The following SPATA31G1 variants were observed in gnomAD, a reference collection of about 807,000 sequenced individuals.
SPATA31G1 encodes the protein spermatogenesis-associated protein 31G1.
At chr9:35,042,845 T>C in the SPATA31G1 span, 5 of 1,605,928 alleles carry the variant, frequency 3.1e-6, no homozygotes, top group Non-Finnish European at 8.5e-7. Flanking sequence ...TGAGAATATC[T>C]TTATCTACTT....
the SPATA31G1 span, chr9:35,045,310 T>C: frequency 1.9e-6 from 3 of 1,613,880 alleles, no homozygotes; most frequent in Non-Finnish European, 2.5e-6. Context: ...AAGGGGAAGA[T>C]GGTGAGCCAG....
chr9:35,043,469 T>A, the SPATA31G1 span: 1 of 1,614,182 alleles, frequency 6.2e-7, no homozygotes, highest in Non-Finnish European at 8.5e-7. Context: ...CTTCTCCTTC[T>A]GTCTCATCAC....
the SPATA31G1 span, chr9:35,044,838 G>A: frequency 1.2e-6 from 2 of 1,614,076 alleles, no homozygotes; most frequent in South Asian, 1.1e-5. Context: ...CACCCTAGCT[G>A]AAGCTGTGAA....
At chr9:35,043,176 G>A in the SPATA31G1 span, 1 of 1,614,186 alleles carries the variant, frequency 6.2e-7, no homozygotes. Flanking sequence ...GCACAAGATA[G>A]CATCAGGGAA....
chr9:35,043,291 AGTG>A, the SPATA31G1 span: 1 of 1,614,112 alleles, frequency 6.2e-7, no homozygotes, highest in South Asian at 1.1e-5. Flanking sequence ...TCTCCTCTGA[AGTG>A]GTCTGTTTGT....
the SPATA31G1 span, chr9:35,042,418 G>A: frequency 1.1e-3 from 1,713 of 1,614,254 alleles, 29 homozygotes; most frequent in African/African-American, 0.02. Flanking sequence ...CAGATTCAGA[G>A]ATGGTGGCAG....
chr9:35,044,832 C>A, the SPATA31G1 span: 1 of 1,614,132 alleles, frequency 6.2e-7, no homozygotes, highest in Non-Finnish European at 8.5e-7. Flanking sequence ...GCCTCCCACC[C>A]TAGCTGAAGC....
the SPATA31G1 span, chr9:35,042,212 T>C: frequency 1.2e-5 from 19 of 1,597,840 alleles, no homozygotes; most frequent in Non-Finnish European, 1.6e-5. Context: ...TGTTCTGTGA[T>C]GCAATGATGA....
At chr9:35,043,287 C>A in the SPATA31G1 span, 1 of 1,614,200 alleles carries the variant, frequency 6.2e-7, no homozygotes, top group African/African-American at 1.3e-5. Flanking sequence ...CCCCTCTCCT[C>A]TGAAGTGGTC....
the SPATA31G1 span, chr9:35,045,309 A>G: frequency 1.9e-6 from 3 of 1,614,070 alleles, no homozygotes; most frequent in Non-Finnish European, 2.5e-6. Flanking sequence ...GAAGGGGAAG[A>G]TGGTGAGCCA....
At chr9:35,044,203 T>C in the SPATA31G1 span, 1 of 1,614,148 alleles carries the variant, frequency 6.2e-7, no homozygotes, top group Non-Finnish European at 8.5e-7. Flanking sequence ...ACCACCCTTA[T>C]GGAACCACAC....
chr9:35,044,599 T>A, the SPATA31G1 span: 1 of 1,614,200 alleles, frequency 6.2e-7, no homozygotes, highest in Non-Finnish European at 8.5e-7. Flanking sequence ...AAGTCCCACG[T>A]AAGTGAGCCT....
chr9:35,044,411 A>C, the SPATA31G1 span: 4 of 1,614,084 alleles, frequency 2.5e-6, no homozygotes, highest in Non-Finnish European at 3.4e-6. Context: ...TACAAAAGAC[A>C]AAAAACTCCT....
chr9:35,042,493 A>C, the SPATA31G1 span: 1 of 1,614,140 alleles, frequency 6.2e-7, no homozygotes. Flanking sequence ...AAGGTGGGTG[A>C]CCTGTGACTG....
chr9:35,045,612 A>G, the SPATA31G1 span: 1 of 1,614,190 alleles, frequency 6.2e-7, no homozygotes, highest in Non-Finnish European at 8.5e-7. Flanking sequence ...GTCTCAACAC[A>G]GGGGCCAGAG....
the SPATA31G1 span, chr9:35,042,514 T>A: frequency 1.9e-6 from 3 of 1,613,668 alleles, no homozygotes; most frequent in African/African-American, 4.0e-5. Flanking sequence ...TACAGCTGGA[T>A]GAATGACTGC....
At chr9:35,045,481 C>A in the SPATA31G1 span, 1 of 1,614,020 alleles carries the variant, frequency 6.2e-7, no homozygotes, top group Non-Finnish European at 8.5e-7. Flanking sequence ...CCTAGGAAAC[C>A]CAAAGCAGGA....
chr9:35,041,532 G>A, the SPATA31G1 span: 987 of 155,796 alleles, frequency 6.3e-3, 11 homozygotes, highest in African/African-American at 0.022. Context: ...CTTGAGCTCA[G>A]GAGGTCAAGA....
At chr9:35,045,429 G>A in the SPATA31G1 span, 10 of 1,614,022 alleles carry the variant, frequency 6.2e-6, no homozygotes, top group Middle Eastern at 1.6e-4. Context: ...CAAGAGAAAG[G>A]ACAAGGCTTC....
Sources: allele counts gnomAD v4.1 joint callset, GRCh38; gene constraint gnomAD v4.1.1; transcripts MANE v1.5; gene names NCBI Gene and HGNC (gene_info 2026-07-23, HGNC 2026-07-21).